The following TRIQK variants were observed in gnomAD, a reference collection of about 807,000 sequenced individuals.
TRIQK encodes the protein triple QxxK/R motif containing.
A neutral mutation model predicts 10.8 loss-of-function variants in TRIQK; 10 were observed. The observed-to-expected ratio is 0.92, with a 90% CI of 0.57 to 1.57. The LOEUF (loss-of-function observed/expected upper bound fraction) is 1.57. TRIQK is among the 40% of genes most tolerant of loss of function. TRIQK has a pLI of 0.00. For missense variants in TRIQK, 107 were observed against 97.7 expected, an observed-to-expected ratio of 1.09 and a Z score of -0.40; for synonymous variants, 33 against 33.7, an observed-to-expected ratio of 0.98 and a Z score of 0.07.
intron 1 of TRIQK, among the ~76,000 whole-genome samples, chr8:92,955,881 C>T (rs1042141391): frequency 2.0e-5 from 3 of 151,714 alleles, no homozygotes; most frequent in Admixed American, 6.6e-5. Flanking sequence ...TACCACTTTA[C>T]TCCTAGTAGG....
intron 3 of TRIQK, among the ~76,000 whole-genome samples, chr8:92,909,756 T>C (rs1809472662): frequency 2.6e-5 from 4 of 151,738 alleles, no homozygotes; most frequent in Admixed American, 2.6e-4. Flanking sequence ...AGGAGAATTA[T>C]AGTTAAATAG....
rs573881022 is a variant in TRIQK at position 92,951,259 on chromosome 8, G to A, written c.-22+3147C>T. ...CTATGATCTAAAAAATCTATCATAG[G>A]CTTCCAGTTTCCATTTCTGTATGTA... On this transcript the variant is annotated intron_variant, in intron 2 of 4. Coordinates refer to ENST00000521988, the MANE Select transcript of TRIQK (RefSeq NM_001171797.2). Among the ~76,000 whole-genome samples the A allele has an allele frequency of 1.1e-3, 171 of 151,952 alleles. 1 individual carries two copies. The highest frequency in any genetic ancestry group is 4.0e-3 in the African/African-American group (166 of 41,462).
intron 1 of TRIQK, among the ~76,000 whole-genome samples, chr8:92,983,259 C>T (rs573074232): frequency 6.6e-6 from 1 of 152,052 alleles, no homozygotes; most frequent in South Asian, 2.1e-4. Flanking sequence ...CAGAGGCAGA[C>T]AAAGGAGAGA....
intron 2 of TRIQK, among the ~76,000 whole-genome samples, chr8:92,921,918 C>T (rs1038517664): frequency 3.3e-5 from 5 of 151,648 alleles, no homozygotes; most frequent in Non-Finnish European, 7.4e-5. Context: ...AACAGTGATC[C>T]CACCCAATAC....
chr8:92,932,775 CATAG>C (rs1810799757), intron 2 of TRIQK, among the ~76,000 whole-genome samples: 1 of 152,152 alleles, frequency 6.6e-6, no homozygotes, highest in Admixed American at 6.5e-5. Context: ...AGTATGTACT[CATAG>C]ATATTTTTAT....
upstream of TRIQK, among the ~76,000 whole-genome samples, chr8:92,966,510 A>G (rs564016965): frequency 1.5e-4 from 23 of 151,744 alleles, no homozygotes; most frequent in Non-Finnish European, 3.1e-4. Context: ...AGCAAAAAAG[A>G]AAAAAAAATC....
chr8:92,888,561 G>A (rs905948958), intron 4 of TRIQK, among the ~76,000 whole-genome samples: 11 of 151,460 alleles, frequency 7.3e-5, no homozygotes, highest in African/African-American at 2.2e-4. Context: ...GCTGAATGTC[G>A]GGAGAGTTGA....
chr8:92,941,308 C>G (rs1811260758), intron 2 of TRIQK: 1 of 152,042 alleles, frequency 6.6e-6, no homozygotes, highest in Non-Finnish European at 1.5e-5. Context: ...AACTTCTGAC[C>G]TCAGGTGATC....
Position 92,947,621 on chromosome 8 carries a change from T to C in TRIQK, c.-22+6785A>G, listed in dbSNP as rs1811624615. ...AAAAAAAAAAAAAAAAGCCTTCATT[T>C]TTCTTTTGCCCTTCACTATTTTTCA... On this transcript the variant is annotated intron_variant, in intron 2 of 4. Coordinates refer to ENST00000521988, the MANE Select transcript of TRIQK (RefSeq NM_001171797.2). Among the ~76,000 whole-genome samples the C allele has an allele frequency of 1.3e-5, 2 of 151,774 alleles. 1 individual carries two copies. Among genetic ancestry groups the C allele is most frequent in the South Asian group, 4.1e-4 (2 of 4,822 alleles).
At chr8:92,976,994 G>C (rs1332153746) in intron 1 of TRIQK, among the ~76,000 whole-genome samples, 2 of 151,766 alleles carry the variant, frequency 1.3e-5, no homozygotes, top group Non-Finnish European at 2.9e-5. Flanking sequence ...TATTTTTGCT[G>C]TAACAATTCA....
At chr8:92,972,981 T>C (rs1367060399) in intron 1 of TRIQK, 1 of 152,236 alleles carries the variant, frequency 6.6e-6, no homozygotes, top group Non-Finnish European at 1.5e-5. Context: ...CAGTAAGTTC[T>C]CTACTATTTC....
At chr8:92,897,460 G>A (rs1808670430) in intron 3 of TRIQK, among the ~76,000 whole-genome samples, 1 of 152,098 alleles carries the variant, frequency 6.6e-6, no homozygotes, top group African/African-American at 2.4e-5. Context: ...TAGGTCATAA[G>A]GGCTCTGCCC....
chr8:93,008,452 C>G (rs1813296463), intron 1 of TRIQK, among the ~76,000 whole-genome samples: 1 of 152,046 alleles, frequency 6.6e-6, no homozygotes, highest in African/African-American at 2.4e-5. Context: ...TTGATATTCT[C>G]TATCAAAAGA....
At chr8:92,919,928 TG>T (rs1810084146) in intron 2 of TRIQK, among the ~76,000 whole-genome samples, 1 of 151,894 alleles carries the variant, frequency 6.6e-6, no homozygotes, top group African/African-American at 2.4e-5. Context: ...GGTATATAGT[TG>T]TTCTTAGTAG....
chr8:92,984,591 A>G (rs1473431897), intron 1 of TRIQK, among the ~76,000 whole-genome samples: 1 of 152,178 alleles, frequency 6.6e-6, no homozygotes, highest in African/African-American at 2.4e-5. Flanking sequence ...TTTTATTGTT[A>G]CAGACATTAT....
intron 1 of TRIQK, among the ~76,000 whole-genome samples, chr8:92,960,177 C>A (rs1048225468): frequency 5.3e-5 from 8 of 151,886 alleles, no homozygotes; most frequent in African/African-American, 1.7e-4. Flanking sequence ...ATACTCTGTT[C>A]TTTTCTTCAG....
intron 1 of TRIQK, among the ~76,000 whole-genome samples, chr8:92,998,592 C>T (rs538738206): frequency 2.0e-5 from 3 of 151,922 alleles, no homozygotes; most frequent in Non-Finnish European, 4.4e-5. Context: ...TAATGTATAA[C>T]ATTAGATGAG....
chr8:92,957,194 T>C (rs1336250143), intron 1 of TRIQK, among the ~76,000 whole-genome samples: 1 of 151,810 alleles, frequency 6.6e-6, no homozygotes, highest in East Asian at 1.9e-4. Flanking sequence ...CTCTGTAAAA[T>C]GGAGTAAGAG....
At chr8:92,956,399 T>C (rs1812174710) in intron 1 of TRIQK, among the ~76,000 whole-genome samples, 1 of 151,696 alleles carries the variant, frequency 6.6e-6, no homozygotes, top group African/African-American at 2.4e-5. Context: ...GCAGAAGGAA[T>C]GGGAACTGAC....
Sources: gnomAD v4.1 joint callset for allele counts (sites outside exome capture counted in the v4.1 genomes callset) on GRCh38, gnomAD v4.1.1 for gene constraint, MANE v1.5 for transcripts, NCBI Gene and HGNC (gene_info 2026-07-23, HGNC 2026-07-21) for gene names.